The following FCGR2B variants were observed in gnomAD, a reference collection of about 807,000 sequenced individuals.
FCGR2B encodes the protein low affinity immunoglobulin gamma Fc region receptor II-b.
Under a neutral mutation model 24.8 loss-of-function variants are expected in FCGR2B, and 18 were observed. That is an observed-to-expected ratio of 0.73 (90% CI 0.50 to 1.08). FCGR2B has a LOEUF of 1.08. Ranked by LOEUF, FCGR2B falls within the 50% of genes least tolerant of loss-of-function variation. FCGR2B has a pLI of 0.00. For missense variants in FCGR2B, 215 were observed against 297.6 expected (o/e 0.72, Z 2.04); for synonymous variants, 79 against 109.8 (o/e 0.72, Z 1.75).
At chr1:161,675,685 C>T (rs374097356) in intron 6 of FCGR2B, 13 of 239,880 alleles carry the variant, frequency 5.4e-5, no homozygotes, top group South Asian at 3.4e-4. Context: ...GCCAATAGGA[C>T]GTGGGAGGCA....
chr1:161,669,479 T>C lies in FCGR2B; in HGVS notation c.113-773T>C, dbSNP rs888814192. On this transcript the variant is annotated intron_variant, in intron 1 of 7. Transcript: ENST00000358671. Reference sequence around the variant, plus strand: ...CCAGCTCTTGGGAGGCTGAGGCAGGTGAATCACTTGAACCTGGGAGGCGGA... The same window carrying C: ...CCAGCTCTTGGGAGGCTGAGGCAGGCGAATCACTTGAACCTGGGAGGCGGA... 2.8e-5 allele frequency among the ~76,000 whole-genome samples: 4 copies of C among 140,378 alleles called. 1 individual carries two copies. Among genetic ancestry groups the C allele is most frequent in the Non-Finnish European group, 4.8e-5 (3 of 62,028 alleles). The allele number at this position is 140,378 out of a possible 152,430, so 92.1% of individuals were successfully genotyped here. A position where few individuals can be genotyped will look rare whatever the true frequency, so the allele number is the denominator to read the frequency against.
chr1:161,674,560 G>A (rs1681958070), intron 5 of FCGR2B: 1 of 226,088 alleles, frequency 4.4e-6, no homozygotes, highest in Non-Finnish European at 8.9e-6. Context: ...TATGACCCAA[G>A]TGAGTCACTC....
At chr1:161,656,169 T>G in the FCGR2B span, among the ~76,000 whole-genome samples, 1 of 140,136 alleles carries the variant, frequency 7.1e-6, no homozygotes, top group African/African-American at 2.5e-5. Flanking sequence ...AATTTTTAAT[T>G]CTACGACTTT....
In FCGR2B at chr1:161,678,162, G is replaced by A. The variant is rs1368781433; in HGVS notation, c.*609G>A. On this transcript the variant is annotated 3_prime_UTR_variant, in exon 8 of 8. Transcript: ENST00000358671. ...CTCTTAGGAAGGCAGGAATGGATAG[G>A]ATAGGGGGAGGAGAGGAGAGATGGG... 4.5e-6 allele frequency: 1 copy of A among 223,298 alleles called. No individual in the cohort carries two copies. Among genetic ancestry groups the A allele is most frequent in the Non-Finnish European group, 8.9e-6 (1 of 111,932 alleles). The allele number at this position is 223,298 out of a possible 1,614,324, so 13.8% of individuals were successfully genotyped here. A position where few individuals can be genotyped will look rare whatever the true frequency, so the allele number is the denominator to read the frequency against.
chr1:161,677,098 G>T, intron 6 of FCGR2B: 1 of 558,276 alleles, frequency 1.8e-6, no homozygotes, highest in Non-Finnish European at 3.1e-6. Context: ...CAGCTCAAGT[G>T]ACTGCTCCAC....
At chr1:161,647,890 C>T in the FCGR2B span, among the ~76,000 whole-genome samples, 8 of 150,934 alleles carry the variant, frequency 5.3e-5, 1 homozygote, top group South Asian at 2.1e-4. Flanking sequence ...GGGGCATGTC[C>T]TTGTGAAAGT....
the FCGR2B span, among the ~76,000 whole-genome samples, chr1:161,649,675 C>T: frequency 6.7e-6 from 1 of 150,362 alleles, no homozygotes; most frequent in Admixed American, 6.7e-5. Context: ...CGACCTCTCA[C>T]CAAAGAGTCT....
At chr1:161,652,879 G>A in the FCGR2B span, among the ~76,000 whole-genome samples, 1 of 134,188 alleles carries the variant, frequency 7.5e-6, no homozygotes, top group East Asian at 2.0e-4. Flanking sequence ...GTGCTTGGGT[G>A]GAGGCAGCAT....
the FCGR2B span, among the ~76,000 whole-genome samples, chr1:161,649,114 TA>T: frequency 6.6e-6 from 1 of 150,954 alleles, no homozygotes; most frequent in Admixed American, 6.6e-5. Flanking sequence ...AATGGAACTC[TA>T]AATACCTTTT....
the FCGR2B span, among the ~76,000 whole-genome samples, chr1:161,649,147 T>C: frequency 6.6e-6 from 1 of 150,882 alleles, no homozygotes; most frequent in Non-Finnish European, 1.5e-5. Context: ...TAGTAATTTC[T>C]GACACATCAC....
At position 161,677,703 on chromosome 1, in the gene FCGR2B, G is replaced by C. The variant is rs1255481787; in HGVS notation, c.*150G>C. On this transcript the variant is annotated 3_prime_UTR_variant, in exon 8 of 8. Transcript: ENST00000358671. ...CAGAGTCATCTACCTGAGTCCTGAA[G>C]CTCCCTGTCCTGAAAGCCACAGACA... 1 of 637,178 alleles carries C rather than the reference G, an allele frequency of 1.6e-6. No homozygotes were observed. Among genetic ancestry groups the C allele is most frequent in the African/African-American group, 1.8e-5 (1 of 54,444 alleles). 39.5% of individuals were successfully genotyped at this position (637,178 alleles called of 1,614,324 possible).
chr1:161,677,635 G>GAATTT lies in FCGR2B; in HGVS notation c.*83_*84insATTTA. The GAATTT allele has an allele frequency of 5.5e-6, 6 of 1,091,066 alleles. No homozygotes were observed. Among genetic ancestry groups the GAATTT allele is most frequent in the Non-Finnish European group, 6.9e-6 (5 of 728,138 alleles). The allele number at this position is 1,091,066 out of a possible 1,614,324, so 67.6% of individuals were successfully genotyped here. On this transcript the variant is annotated 3_prime_UTR_variant, in exon 8 of 8. Transcript: ENST00000358671. ...TTTCCTGGCCTAAATTCCCCTTGGG[G>GAATTT]AGGACAGGGAGATGCTGCAGTTCCA...
the FCGR2B span, among the ~76,000 whole-genome samples, chr1:161,648,115 G>T: frequency 4.0e-5 from 6 of 150,298 alleles, no homozygotes; most frequent in East Asian, 1.2e-3. Context: ...ATAGGATTGG[G>T]CAGAATCTGA....
In FCGR2B at chr1:161,677,381, C is replaced by T; in HGVS notation, c.855+16C>T. On this transcript the variant is annotated intron_variant, in intron 7 of 7. Transcript: ENST00000358671. The stretch of plus-strand genomic sequence containing the variant: ...CAAAGTTGGGGTGAGTGATCCCAGC[C>T]ATCTCCCCCTCCCTTCTCCCCTGTT... The T allele has an allele frequency of 6.2e-7, 1 of 1,612,674 alleles. No individual in the cohort carries two copies. The highest frequency in any genetic ancestry group is 8.5e-7 in the Non-Finnish European group (1 of 1,178,954).
intron 1 of FCGR2B, among the ~76,000 whole-genome samples, chr1:161,669,802 A>G (rs1681531761): frequency 1.1e-5 from 1 of 90,488 alleles, no homozygotes; most frequent in Non-Finnish European, 2.5e-5. Context: ...AGGTGATAAT[A>G]TTTTGCTCCT....
At chr1:161,674,104 T>C in intron 5 of FCGR2B, 31 bp downstream of exon 5, 1 of 418,326 alleles carries the variant, frequency 2.4e-6, no homozygotes, top group Non-Finnish European at 4.3e-6. Context: ...CCTTTGGTTA[T>C]CAGTTTCCAC....
At position 161,671,391 on chromosome 1, in the gene FCGR2B, G is replaced by C. The variant is rs774890488; in HGVS notation, c.134-1G>C. The C allele has an allele frequency of 1.2e-6, 2 of 1,614,110 alleles. No homozygotes were observed. Among genetic ancestry groups the C allele is most frequent in the Non-Finnish European group, 1.7e-6 (2 of 1,180,026 alleles). The stretch of plus-strand genomic sequence containing the variant: ...TGCTACCTCCTCTCTCTGCCCCTCA[G>C]CAGCTCCCCCAAAGGCTGTGCTGAA... On this transcript the variant is annotated splice_acceptor_variant, in intron 2 of 7. Coordinates refer to ENST00000358671, the MANE Select transcript of FCGR2B (RefSeq NM_001394477.1). LOFTEE classifies it high-confidence loss of function.
chr1:161,669,840 C>G (rs1336236781), intron 1 of FCGR2B, among the ~76,000 whole-genome samples: 1 of 76,342 alleles, frequency 1.3e-5, no homozygotes, highest in Non-Finnish European at 2.9e-5. Flanking sequence ...CTGTAGTGAT[C>G]ATGGATTACC....
At chr1:161,654,881 G>C in the FCGR2B span, among the ~76,000 whole-genome samples, 2 of 137,686 alleles carry the variant, frequency 1.5e-5, no homozygotes, top group African/African-American at 4.9e-5. Flanking sequence ...TTTTTTTCAG[G>C]TGTTTCTAAT....
Sources: allele counts gnomAD v4.1 joint callset (sites outside exome capture counted in the v4.1 genomes callset), GRCh38; gene constraint gnomAD v4.1.1; transcripts MANE v1.5; gene names NCBI Gene and HGNC (gene_info 2026-07-23, HGNC 2026-07-21).